DOCK10: variants seen among roughly 807,000 people sequenced by gnomAD.
DOCK10 encodes the protein dedicator of cytokinesis 10, also known as dedicator of cytokinesis protein 10.
Under a neutral mutation model 280.1 loss-of-function variants are expected in DOCK10, and 145 were observed. The observed-to-expected ratio is 0.52, with a 90% CI of 0.45 to 0.59. The LOEUF (loss-of-function observed/expected upper bound fraction) is 0.59. Ranked by LOEUF, DOCK10 falls within the 20% of genes least tolerant of loss-of-function variation. The probability of loss-of-function intolerance (pLI) is 0.00; values close to 1 mark genes in which losing one functional copy is unlikely to be tolerated. For synonymous variants in DOCK10, 915 were observed against 942.2 expected (o/e 0.97, Z 0.53); for missense variants, 2,368 against 2,651.7 (o/e 0.89, Z 2.35).
intron 37 of DOCK10, 21 bp from the exon 38 acceptor site, chr2:224,804,862 A>G (rs1211811324): frequency 6.7e-7 from 1 of 1,483,638 alleles, no homozygotes; most frequent in African/African-American, 1.4e-5. Context: ...GAAAAAAACC[A>G]CATTTTAATT....
chr2:224,863,467 T>TA (rs1559594450), intron 13 of DOCK10, among the ~76,000 whole-genome samples: 1 of 152,160 alleles, frequency 6.6e-6, no homozygotes, highest in Non-Finnish European at 1.5e-5. Flanking sequence ...CTTTTTTTTT[T>TA]AGACGGAGTC....
chr2:224,944,058 C>T (rs996932404), intron 1 of DOCK10, among the ~76,000 whole-genome samples: 5 of 152,124 alleles, frequency 3.3e-5, no homozygotes, highest in African/African-American at 1.2e-4. Context: ...CCATCATGCC[C>T]GGCCGGTTTA....
At chr2:224,925,584 G>C (rs1462256152) in intron 2 of DOCK10, among the ~76,000 whole-genome samples, 7 of 152,258 alleles carry the variant, frequency 4.6e-5, no homozygotes. Flanking sequence ...TATTCGTATT[G>C]GTGTCCTGGA....
intron 1 of DOCK10, among the ~76,000 whole-genome samples, chr2:225,003,983 T>C (rs1706506863): frequency 6.6e-6 from 1 of 152,198 alleles, no homozygotes; most frequent in Non-Finnish European, 1.5e-5. Flanking sequence ...GAGATAGTTA[T>C]CATAAAATGA....
intron 1 of DOCK10, among the ~76,000 whole-genome samples, chr2:224,955,693 GT>G (rs1703997049): frequency 6.6e-6 from 1 of 152,228 alleles, no homozygotes; most frequent in Non-Finnish European, 1.5e-5. Flanking sequence ...AGAACTTTGT[GT>G]TTTGCAGATA....
chr2:224,779,329 C>G (rs1166366069), intron 50 of DOCK10, among the ~76,000 whole-genome samples: 1 of 151,856 alleles, frequency 6.6e-6, no homozygotes, highest in East Asian at 1.9e-4. Flanking sequence ...GATTCTCCTA[C>G]TTTGGCCTCC....
Position 224,886,539 on chromosome 2 carries a change from T to TAAA in DOCK10, c.417-11_417-9dup. On this transcript the variant is annotated splice_polypyrimidine_tract_variant and intron_variant, in intron 4 of 55. Coordinates refer to ENST00000258390, the MANE Select transcript of DOCK10 (RefSeq NM_014689.3). ...TCTGGTTTGTATTCTGCTCTGATAT[T>TAAA]AAAAAAAAAAAAAGATTCTGATTTG... 3 of 1,383,162 alleles carry TAAA rather than the reference T, an allele frequency of 2.2e-6. No homozygotes were observed. The highest frequency in any genetic ancestry group is 2.6e-5 in the South Asian group (2 of 76,468). The allele number at this position is 1,383,162 out of a possible 1,614,324, so 85.7% of individuals were successfully genotyped here.
chr2:224,823,455 A>AC, intron 28 of DOCK10, 46 bp downstream of exon 28: 1 of 1,496,482 alleles, frequency 6.7e-7, no homozygotes, highest in Non-Finnish European at 8.9e-7. Flanking sequence ...TCTTGCATCC[A>AC]CCAACATGGG....
chr2:224,920,070 C>G (rs942705705), intron 2 of DOCK10, among the ~76,000 whole-genome samples: 14 of 151,976 alleles, frequency 9.2e-5, no homozygotes, highest in Non-Finnish European at 1.5e-4. Flanking sequence ...TTACATTTTA[C>G]TTTTTGTTGC....
chr2:224,803,567 CA>C (rs915216231), intron 39 of DOCK10, among the ~76,000 whole-genome samples: 2 of 152,026 alleles, frequency 1.3e-5, no homozygotes, highest in Admixed American at 6.6e-5. Context: ...AGGATGACTC[CA>C]GGTCCTATCT....
intron 31 of DOCK10, among the ~76,000 whole-genome samples, chr2:224,809,392 A>G (rs1162980387): frequency 6.6e-6 from 1 of 152,192 alleles, no homozygotes; most frequent in Non-Finnish European, 1.5e-5. Context: ...GAAGCAATCA[A>G]CAAAATGAAA....
chr2:224,965,644 C>T (rs1202820336), intron 1 of DOCK10, among the ~76,000 whole-genome samples: 2 of 152,104 alleles, frequency 1.3e-5, no homozygotes, highest in Non-Finnish European at 2.9e-5. Context: ...GCTTAATTAC[C>T]TTTCTATCGT....
At chr2:224,824,121 T>C (rs1694689196) in intron 27 of DOCK10, among the ~76,000 whole-genome samples, 1 of 152,170 alleles carries the variant, frequency 6.6e-6, no homozygotes, top group Non-Finnish European at 1.5e-5. Flanking sequence ...AATAAACTAG[T>C]CTAAGAAATT....
At chr2:224,965,507 G>C (rs1704687388) in intron 1 of DOCK10, among the ~76,000 whole-genome samples, 1 of 152,070 alleles carries the variant, frequency 6.6e-6, no homozygotes, top group African/African-American at 2.4e-5. Flanking sequence ...TCCCTCTATT[G>C]AAACCTCATG....
intron 1 of DOCK10, among the ~76,000 whole-genome samples, chr2:224,971,668 GAATT>G (rs1705091654): frequency 6.6e-6 from 1 of 152,050 alleles, no homozygotes; most frequent in South Asian, 2.1e-4. Context: ...TTAACTTTAA[GAATT>G]GATTATTTTA....
At chr2:224,766,282 T>C (rs1157946676) in intron 55 of DOCK10, among the ~76,000 whole-genome samples, 2 of 152,212 alleles carry the variant, frequency 1.3e-5, no homozygotes, top group Non-Finnish European at 2.9e-5. Flanking sequence ...GCCTAAAAAA[T>C]ACTTTATCAG....
chr2:224,808,592 G>A (rs1436059436), intron 31 of DOCK10, among the ~76,000 whole-genome samples: 1 of 152,050 alleles, frequency 6.6e-6, no homozygotes, highest in Non-Finnish European at 1.5e-5. Flanking sequence ...AGGGGAGCAC[G>A]AGTATGTGGG....
intron 1 of DOCK10, among the ~76,000 whole-genome samples, chr2:224,950,485 T>G (rs1703667427): frequency 6.6e-6 from 1 of 152,172 alleles, no homozygotes; most frequent in Admixed American, 6.5e-5. Flanking sequence ...AGAGCTGGGA[T>G]GTAAGTCCAG....
intron 1 of DOCK10, among the ~76,000 whole-genome samples, chr2:224,992,819 G>A (rs1469256179): frequency 6.6e-6 from 1 of 152,170 alleles, no homozygotes; most frequent in African/African-American, 2.4e-5. Flanking sequence ...TAAAATTAGA[G>A]GGTTAGAATA....
Sources: gnomAD v4.1 joint callset for allele counts (sites outside exome capture counted in the v4.1 genomes callset) on GRCh38, gnomAD v4.1.1 for gene constraint, MANE v1.5 for transcripts, NCBI Gene and HGNC (gene_info 2026-07-23, HGNC 2026-07-21) for gene names.